The following ABTB3 variants were observed in gnomAD, a reference collection of about 807,000 sequenced individuals.
The protein encoded by ABTB3 is ankyrin repeat- and BTB/POZ domain-containing protein 3.
chr12:107,497,239 A>C, the ABTB3 span, among the ~76,000 whole-genome samples: 1 of 137,580 alleles, frequency 7.3e-6, no homozygotes, highest in East Asian at 1.9e-4. Flanking sequence ...GCTCACCACC[A>C]CCACCATCAC....
At chr12:107,447,292 G>A in the ABTB3 span, among the ~76,000 whole-genome samples, 1 of 152,286 alleles carries the variant, frequency 6.6e-6, no homozygotes, top group South Asian at 2.1e-4. Context: ...ACAGGCATGT[G>A]CCACCATGCC....
chr12:107,610,970 G>A, the ABTB3 span, among the ~76,000 whole-genome samples: 2 of 152,276 alleles, frequency 1.3e-5, no homozygotes, highest in East Asian at 3.9e-4. Flanking sequence ...AAAGTCACAA[G>A]GGACAGATGG....
At chr12:107,657,737 T>C in the ABTB3 span, 4 of 1,611,782 alleles carry the variant, frequency 2.5e-6, no homozygotes, top group East Asian at 8.9e-5. Context: ...GTGCAGGGAA[T>C]GCTTCCCGGG....
the ABTB3 span, among the ~76,000 whole-genome samples, chr12:107,618,736 G>A: frequency 6.6e-6 from 1 of 152,232 alleles, no homozygotes; most frequent in Non-Finnish European, 1.5e-5. Flanking sequence ...CTGCTGTCGA[G>A]GGTCTGGATG....
At chr12:107,439,052 G>A in the ABTB3 span, among the ~76,000 whole-genome samples, 2 of 152,196 alleles carry the variant, frequency 1.3e-5, no homozygotes, top group East Asian at 3.8e-4. Flanking sequence ...CCATGGAAGT[G>A]TGGCTACCAT....
the ABTB3 span, among the ~76,000 whole-genome samples, chr12:107,415,535 C>T: frequency 4.3e-4 from 65 of 151,746 alleles, 1 homozygote; most frequent in East Asian, 3.7e-3. Context: ...GGTGAAACCC[C>T]GTCTCTACTA....
chr12:107,385,474 A>G, the ABTB3 span, among the ~76,000 whole-genome samples: 1 of 152,160 alleles, frequency 6.6e-6, no homozygotes, highest in South Asian at 2.1e-4. Context: ...CATGACAAAT[A>G]TTAGTTATTT....
chr12:107,385,063 A>G, the ABTB3 span, among the ~76,000 whole-genome samples: 1 of 152,316 alleles, frequency 6.6e-6, no homozygotes, highest in African/African-American at 2.4e-5. Flanking sequence ...GACTGGATTT[A>G]GACTCTGATG....
the ABTB3 span, among the ~76,000 whole-genome samples, chr12:107,564,685 C>G: frequency 2.0e-5 from 3 of 152,170 alleles, no homozygotes; most frequent in Non-Finnish European, 2.9e-5. Context: ...AATCTCCTGT[C>G]CTGGGTATTA....
the ABTB3 span, among the ~76,000 whole-genome samples, chr12:107,467,835 C>T: frequency 6.6e-6 from 1 of 152,066 alleles, no homozygotes; most frequent in African/African-American, 2.4e-5. Context: ...GAACTGTTTC[C>T]CACACGTTTT....
chr12:107,555,146 A>C, the ABTB3 span, among the ~76,000 whole-genome samples: 2,576 of 152,306 alleles, frequency 0.017, 72 homozygotes, highest in African/African-American at 0.057. Context: ...CCTTAGCCTA[A>C]CAAGGCAGCC....
the ABTB3 span, among the ~76,000 whole-genome samples, chr12:107,508,430 G>T: frequency 2.2e-5 from 2 of 91,232 alleles, no homozygotes; most frequent in Non-Finnish European, 4.8e-5. Context: ...AAATCTCAAA[G>T]ATCATTTCTT....
At chr12:107,409,014 G>A in the ABTB3 span, among the ~76,000 whole-genome samples, 1 of 152,344 alleles carries the variant, frequency 6.6e-6, no homozygotes, top group South Asian at 2.1e-4. Context: ...GTCTTGGGAA[G>A]GCTTCCCCCA....
chr12:107,375,546 C>T, the ABTB3 span, among the ~76,000 whole-genome samples: 1 of 152,216 alleles, frequency 6.6e-6, no homozygotes. Context: ...CAGTGGGGCA[C>T]CTCCAGGGGA....
the ABTB3 span, among the ~76,000 whole-genome samples, chr12:107,481,090 A>G: frequency 1.3e-5 from 2 of 152,216 alleles, no homozygotes; most frequent in Non-Finnish European, 2.9e-5. Context: ...TGGTTGTCAC[A>G]ACTGGGGACA....
the ABTB3 span, chr12:107,318,725 G>T: frequency 1.9e-6 from 1 of 527,258 alleles, no homozygotes; most frequent in African/African-American, 1.9e-5. Context: ...GCTCCGGCCC[G>T]GACTCTGGAA....
chr12:107,571,439 A>AT, the ABTB3 span, among the ~76,000 whole-genome samples: 1 of 152,032 alleles, frequency 6.6e-6, no homozygotes. Context: ...ACTTTTTATG[A>AT]TTTTGTTTTT....
chr12:107,658,870 CAT>C, the ABTB3 span: 2 of 152,548 alleles, frequency 1.3e-5, no homozygotes, highest in African/African-American at 4.8e-5. Flanking sequence ...AAAGATGAAA[CAT>C]GTATGATAGG....
the ABTB3 span, among the ~76,000 whole-genome samples, chr12:107,486,035 A>G: frequency 6.6e-6 from 1 of 152,174 alleles, no homozygotes; most frequent in Non-Finnish European, 1.5e-5. Context: ...GCTTGACCTT[A>G]TTATTTGGTG....
Sources: allele counts gnomAD v4.1 joint callset (sites outside exome capture counted in the v4.1 genomes callset), GRCh38; gene constraint gnomAD v4.1.1; transcripts MANE v1.5; gene names NCBI Gene and HGNC (gene_info 2026-07-23, HGNC 2026-07-21).